The following PAFAH1B2 variants were observed in gnomAD, a reference collection of about 807,000 sequenced individuals.
PAFAH1B2 encodes platelet activating factor acetylhydrolase 1b catalytic subunit 2, also known as platelet-activating factor acetylhydrolase IB subunit alpha2.
In PAFAH1B2, 8 loss-of-function variants were observed where a neutral mutation model predicts 28.0. The ratio of observed to expected loss-of-function variants is 0.29; its 90% CI spans 0.17 to 0.52. The LOEUF (loss-of-function observed/expected upper bound fraction) is 0.52. Ranked by LOEUF, PAFAH1B2 falls within the 20% of genes least tolerant of loss-of-function variation. The pLI is 0.97. For synonymous variants in PAFAH1B2, 104 were observed against 103.2 expected, an observed-to-expected ratio of 1.01 and a Z score of -0.05; for missense variants, 190 against 282.6, an observed-to-expected ratio of 0.67 and a Z score of 2.35.
At chr11:117,171,865 C>A, downstream of PAFAH1B2, 1 of 780,586 alleles carries the variant, frequency 1.3e-6, no homozygotes, top group Non-Finnish European at 2.0e-6. Flanking sequence ...TGATTTGCTG[C>A]TTTAGGAGGA....
chr11:117,165,231 C>T (rs1222445370), intron 5 of PAFAH1B2, among the ~76,000 whole-genome samples: 3 of 151,100 alleles, frequency 2.0e-5, no homozygotes, highest in East Asian at 4.0e-4. Flanking sequence ...CGATTACAGA[C>T]GTGAGCCATC....
chr11:117,155,798 G>T (rs1231044190), intron 2 of PAFAH1B2, among the ~76,000 whole-genome samples: 1 of 152,020 alleles, frequency 6.6e-6, no homozygotes, highest in East Asian at 1.9e-4. Flanking sequence ...GAGGCAAGAG[G>T]ATTGCTTAAG....
intron 3 of PAFAH1B2, among the ~76,000 whole-genome samples, chr11:117,160,857 A>T (rs1359859581): frequency 1.3e-5 from 2 of 151,616 alleles, no homozygotes; most frequent in African/African-American, 2.4e-5. Context: ...TCTGTAGTTC[A>T]ATAAGTGGAA....
downstream of PAFAH1B2, among the ~76,000 whole-genome samples, chr11:117,172,373 TATATATATATATA>T (rs1956674975): frequency 4.0e-4 from 2 of 5,030 alleles, no homozygotes; most frequent in African/African-American, 9.2e-4. Context: ...TATATATATA[TATATATATATATA>T]TATATATATA....
At position 117,163,802 on chromosome 11, in the gene PAFAH1B2, C is replaced by T. The variant is rs373553888; in HGVS notation, c.321C>T (p.His107=). Residue 107 remains histidine (H), a synonymous_variant, in exon 5 of 6, where the codon CAC becomes CAT. Transcript: ENST00000527958. ...TTGTCTGGGTAGGAACAAATAACCACGAAAATACAGCAGAAGAAGTAGCAG... is the reference window on the plus strand; with the variant it reads ...TTGTCTGGGTAGGAACAAATAACCATGAAAATACAGCAGAAGAAGTAGCAG... The part of the protein sequence containing the change: ...VIVVWVGTNN[H]ENTAEEVAGG... 5.7e-5 allele frequency: 92 copies of T among 1,613,802 alleles called. No individual in the cohort carries two copies. Among genetic ancestry groups the T allele is most frequent in the Middle Eastern group, 4.9e-4 (3 of 6,062 alleles).
chr11:117,161,051 A>G lies in PAFAH1B2; in HGVS notation c.172-94A>G, dbSNP rs191067806. 3.0e-4 allele frequency: 242 copies of G among 800,412 alleles called. 2 individuals carry two copies. In the East Asian group the frequency reaches 4.0e-3, roughly 13 times the overall value. 49.6% of individuals were successfully genotyped at this position (800,412 alleles called of 1,614,324 possible). On this transcript the variant is annotated intron_variant, in intron 3 of 5. Coordinates refer to ENST00000527958, the MANE Select transcript of PAFAH1B2 (RefSeq NM_002572.4). ...ATTACAGTGTTATCTTTGAATACAGAAAAAGGAAATTAATGCCTTGCAACA... is the reference window on the plus strand; with the variant it reads ...ATTACAGTGTTATCTTTGAATACAGGAAAAGGAAATTAATGCCTTGCAACA...
At chr11:117,174,890 C>T (rs753107332), downstream of PAFAH1B2, 5 of 1,520,784 alleles carry the variant, frequency 3.3e-6, no homozygotes, top group Admixed American at 4.0e-5. Flanking sequence ...GCTGGGATTA[C>T]AGGCGTGAGT....
rs1956563854 is a variant in PAFAH1B2, at chr11:117,168,445, CGTTT to C, written c.*747_*750del. ...TTCCCCTTCATTCCCCCCGCCACCC[CGTTT>C]TTTTTTTTTTTTTTTTTTTTTTGGT... On this transcript the variant is annotated 3_prime_UTR_variant, in exon 6 of 6. Transcript: ENST00000527958. 15 of 354,326 alleles carry C rather than the reference CGTTT, an allele frequency of 4.2e-5. No homozygotes were observed. The highest frequency in any genetic ancestry group is 1.0e-4 in the South Asian group (1 of 9,798). 21.9% of individuals were successfully genotyped at this position (354,326 alleles called of 1,614,324 possible). A position where few individuals can be genotyped will look rare whatever the true frequency, so the allele number is the denominator to read the frequency against.
Sources: gnomAD v4.1 joint callset for allele counts (sites outside exome capture counted in the v4.1 genomes callset) on GRCh38, gnomAD v4.1.1 for gene constraint, MANE v1.5 for transcripts, NCBI Gene and HGNC (gene_info 2026-07-23, HGNC 2026-07-21) for gene names.